The following ELP1 variants were observed in gnomAD, a reference collection of about 807,000 sequenced individuals.
The protein encoded by ELP1 is elongator complex protein 1.
Under a neutral mutation model 183.2 loss-of-function variants are expected in ELP1, and 131 were observed. The ratio of observed to expected loss-of-function variants is 0.72; its 90% CI spans 0.62 to 0.83. The LOEUF is 0.83. Among genes scored for constraint, ELP1 ranks in the 40% least tolerant of loss-of-function variants. ELP1 has a pLI of 0.00. For missense variants in ELP1, 1,550 were observed against 1,594.9 expected (o/e 0.97, Z 0.48); for synonymous variants, 555 against 569.0 (o/e 0.98, Z 0.35).
At chr9:108,898,120 T>C (rs559699429) in intron 22 of ELP1, among the ~76,000 whole-genome samples, 10 of 152,190 alleles carry the variant, frequency 6.6e-5, no homozygotes, top group Non-Finnish European at 1.5e-4. Flanking sequence ...AGGTGGGGTA[T>C]ATATAGGTTG....
chr9:108,869,308 G>T, intron 36 of ELP1, 126 bp from the exon 37 acceptor site: 1 of 820,732 alleles, frequency 1.2e-6, no homozygotes, highest in Non-Finnish European at 2.1e-6. Context: ...CAGAGCCAGA[G>T]TTCATGTGTC....
At position 108,912,398 on chromosome 9, in the gene ELP1, T is replaced by C; in HGVS notation, c.1055A>G (p.Asp352Gly). The C allele has an allele frequency of 6.2e-7, 1 of 1,613,950 alleles. No homozygotes were observed. The highest frequency in any genetic ancestry group is 8.5e-7 in the Non-Finnish European group (1 of 1,179,964). The change falls in exon 11 of 37, where the codon GAC becomes GGC. Residue 352 changes from aspartate to glycine, a missense_variant. Transcript: ENST00000374647. ...GKSKIVSLMWDPVTPYRLHVL... is the reference protein window; with the variant it reads ...GKSKIVSLMWGPVTPYRLHVL... ...ATGCAGCCGGTATGGGGTCACAGGGTCCCACATCAGAGACACAATCTTGCT... is the reference window on the plus strand; with the variant it reads ...ATGCAGCCGGTATGGGGTCACAGGGCCCCACATCAGAGACACAATCTTGCT...
chr9:108,893,173 A>G, intron 26 of ELP1, 90 bp from the exon 27 acceptor site: 1 of 892,860 alleles, frequency 1.1e-6, no homozygotes, highest in South Asian at 1.4e-5. Flanking sequence ...AACAAAATAA[A>G]TGAGGAACTT....
At chr9:108,870,969 A>ATTTTTTTT (rs33952302) in intron 36 of ELP1, among the ~76,000 whole-genome samples, 5 of 83,566 alleles carry the variant, frequency 6.0e-5, no homozygotes, top group African/African-American at 9.9e-5. Flanking sequence ...TTCATGCACC[A>ATTTTTTTT]TTTTTTTTTT....
At chr9:108,873,786 C>T (rs10979581) in intron 36 of ELP1, among the ~76,000 whole-genome samples, 7,845 of 151,850 alleles carry the variant, frequency 0.052, 239 homozygotes, top group Non-Finnish European at 0.061. Flanking sequence ...TTTGGGAGGC[C>T]GAGGCAGGAG....
At chr9:108,908,259 G>C in intron 13 of ELP1, 46 bp downstream of exon 13, 1 of 1,402,238 alleles carries the variant, frequency 7.1e-7, no homozygotes, top group Non-Finnish European at 1.0e-6. Context: ...AGGACTGCAT[G>C]CTGGCTGATT....
intron 15 of ELP1, 65 bp downstream of exon 15, chr9:108,903,498 C>T: frequency 9.3e-7 from 1 of 1,069,788 alleles, no homozygotes; most frequent in South Asian, 1.3e-5. Flanking sequence ...GATACAAGTA[C>T]ATGTTCTTAA....
intron 28 of ELP1, chr9:108,889,812 A>G (rs1219450422): frequency 2.1e-5 from 5 of 240,356 alleles, no homozygotes; most frequent in Non-Finnish European, 4.1e-5. Flanking sequence ...AGGCACAGAG[A>G]ACCCAAGGCT....
At chr9:108,897,680 C>T (rs1182181330) in intron 22 of ELP1, among the ~76,000 whole-genome samples, 1 of 152,152 alleles carries the variant, frequency 6.6e-6, no homozygotes, top group Non-Finnish European at 1.5e-5. Context: ...TGTATGCTTC[C>T]ATTTAGGTGA....
chr9:108,892,481 C>T (rs1828377833), intron 27 of ELP1, among the ~76,000 whole-genome samples: 1 of 152,172 alleles, frequency 6.6e-6, no homozygotes, highest in Admixed American at 6.5e-5. Flanking sequence ...GGTGGTCAGG[C>T]AGCCTGGGCT....
rs1299382058 is a variant in ELP1, at chr9:108,897,183, A to G, written c.2466T>C (p.Ala822=). 1.2e-6 allele frequency: 2 copies of G among 1,614,058 alleles called. No homozygotes were observed. Among genetic ancestry groups the G allele is most frequent in the Admixed American group, 1.7e-5 (1 of 59,994 alleles). Residue 822 remains alanine, a synonymous_variant, in exon 23 of 37, where the codon GCT becomes GCC. Coordinates refer to ENST00000374647, the MANE Select transcript of ELP1 (RefSeq NM_003640.5). ...TTATGCTCTCCATGACTGCTCTCAT[A>G]GCATCGCAGACAAGGTCTATTTTAT... is the stretch of plus-strand genomic sequence containing the variant. ...DGNKIDLVCD[A]MRAVMESINP... is the part of the protein sequence containing the mutation.
At chr9:108,880,707 T>C (rs1827894635) in intron 31 of ELP1, among the ~76,000 whole-genome samples, 1 of 152,236 alleles carries the variant, frequency 6.6e-6, no homozygotes, top group South Asian at 2.1e-4. Context: ...TGGGCCTATG[T>C]AGATGAATTA....
intron 35 of ELP1, among the ~76,000 whole-genome samples, chr9:108,876,638 C>T (rs1468007419): frequency 6.6e-6 from 1 of 152,052 alleles, no homozygotes; most frequent in Non-Finnish European, 1.5e-5. Flanking sequence ...CTGCTGGCTT[C>T]CCATCATGTC....
rs1564110292 is a variant in ELP1 at position 108,931,008 on chromosome 9, C to CA, written c.138dup (p.Val47CysfsTer8). 3.1e-6 allele frequency: 5 copies of CA among 1,614,128 alleles called. No individual in the cohort carries two copies. Among genetic ancestry groups the CA allele is most frequent in the Non-Finnish European group, 4.2e-6 (5 of 1,180,000 alleles). ...CATCAGTAACTTACTTCTCTTGAGA[C>CA]AGGGTCTACTTCTATCAGGCCATGT... On this transcript the variant is annotated frameshift_variant, in exon 2 of 37. Transcript: ENST00000374647. LOFTEE classifies it high-confidence loss of function.
At chr9:108,917,699 T>A (rs768812017) in intron 8 of ELP1, 29 bp from the exon 9 acceptor site, 2 of 1,613,194 alleles carry the variant, frequency 1.2e-6, no homozygotes, top group Non-Finnish European at 1.7e-6. Flanking sequence ...TGTTACAATA[T>A]CGAAAGCTCA....
intron 13 of ELP1, among the ~76,000 whole-genome samples, chr9:108,907,806 G>A (rs1434278612): frequency 1.3e-5 from 2 of 152,166 alleles, no homozygotes; most frequent in African/African-American, 4.8e-5. Context: ...TGCCTATAGT[G>A]TACCTGAGGT....
At chr9:108,923,244 C>A (rs535427178) in intron 5 of ELP1, among the ~76,000 whole-genome samples, 32 of 152,236 alleles carry the variant, frequency 2.1e-4, no homozygotes, top group Admixed American at 5.2e-4. Context: ...TGATGGCACA[C>A]ACCTGTGGTC....
chr9:108,902,746 A>C (rs997938284), intron 16 of ELP1, 93 bp downstream of exon 16: 1 of 894,410 alleles, frequency 1.1e-6, no homozygotes, highest in Non-Finnish European at 1.9e-6. Context: ...GTGGAGACCC[A>C]AGTCCACCTC....
At chr9:108,928,817 G>A (rs1423484732) in intron 3 of ELP1, among the ~76,000 whole-genome samples, 2 of 152,140 alleles carry the variant, frequency 1.3e-5, no homozygotes, top group African/African-American at 4.8e-5. Flanking sequence ...TGACAAGTTT[G>A]ATATTTCCCA....
Sources: gnomAD v4.1 joint callset for allele counts (sites outside exome capture counted in the v4.1 genomes callset) on GRCh38, gnomAD v4.1.1 for gene constraint, MANE v1.5 for transcripts, NCBI Gene and HGNC (gene_info 2026-07-23, HGNC 2026-07-21) for gene names.